The following INTS7 variants were observed in gnomAD, a reference collection of about 807,000 sequenced individuals.
INTS7 encodes integrator complex subunit 7.
INTS7 carries 46 observed loss-of-function variants against 109.2 expected under a neutral mutation model. The ratio of observed to expected loss-of-function variants is 0.42; its 90% CI spans 0.33 to 0.54. INTS7 has a LOEUF of 0.54. Among genes scored for constraint, INTS7 ranks in the 20% least tolerant of loss-of-function variants. INTS7 has a pLI of 0.07. For synonymous variants in INTS7, 412 were observed against 402.9 expected (o/e 1.02, Z -0.27); for missense variants, 929 against 1,132.4 (o/e 0.82, Z 2.58).
chr1:211,963,940 G>A (rs1405711295), intron 16 of INTS7, among the ~76,000 whole-genome samples: 5 of 152,146 alleles, frequency 3.3e-5, no homozygotes, highest in Non-Finnish European at 7.3e-5. Flanking sequence ...CATAACAAAA[G>A]GATGCTCTCT....
chr1:211,980,856 G>A (rs1369773061), intron 10 of INTS7, among the ~76,000 whole-genome samples: 2 of 152,188 alleles, frequency 1.3e-5, no homozygotes, highest in East Asian at 1.9e-4. Flanking sequence ...TATACCACTG[G>A]GAAATTAATG....
chr1:212,031,440 A>T (rs938239286), intron 1 of INTS7, among the ~76,000 whole-genome samples: 1 of 152,246 alleles, frequency 6.6e-6, no homozygotes, highest in Non-Finnish European at 1.5e-5. Flanking sequence ...AATGTATTTG[A>T]TTATGACACT....
Position 211,968,632 on chromosome 1 carries a change from A to C in INTS7, c.1891T>G (p.Phe631Val). 2.5e-6 allele frequency: 4 copies of C among 1,614,018 alleles called. No individual in the cohort carries two copies. The highest frequency in any genetic ancestry group is 2.2e-5 in the South Asian group (2 of 91,078). The change falls in exon 14 of 20, where the codon TTC becomes GTC. Residue 631 changes from phenylalanine to valine, a missense_variant. Transcript: ENST00000366994. ...VKLRIDLLQA[F>V]SQLICTCNSL... ...TTACAAGTACAGATAAGTTGAGAGA[A>C]GGCTTGTAAAAGGTCAATCCTGAGT...
intron 16 of INTS7, among the ~76,000 whole-genome samples, chr1:211,963,303 C>T (rs539671396): frequency 9.2e-5 from 14 of 151,948 alleles, no homozygotes; most frequent in Non-Finnish European, 2.1e-4. Flanking sequence ...AAACTGAATC[C>T]CTGATGAGAC....
Position 211,981,239 on chromosome 1 carries a change from A to C in INTS7, c.1133-49T>G, listed in dbSNP as rs372136910. The C allele has an allele frequency of 5.3e-6, 6 of 1,137,998 alleles. No homozygotes were observed. The African/African-American group carries it at 9.1e-5, about 17-fold the overall frequency. The allele number at this position is 1,137,998 out of a possible 1,614,324, so 70.5% of individuals were successfully genotyped here. A position where few individuals can be genotyped will look rare whatever the true frequency, so the allele number is the denominator to read the frequency against. ...ATGATGGTCAAGTGATGTGTGTACA[A>C]ACACACACACATATACATGCATACA... On this transcript the variant is annotated intron_variant, in intron 9 of 19. Transcript: ENST00000366994.
rs760901667 is a variant in INTS7 at position 211,967,946 on chromosome 1, A to C, written c.2046T>G (p.Ala682=). Reference sequence around the variant, plus strand: ...CCTGGTAAAGATCTCCATATCGAGAAGCAAGGCTTCGAAATTCTTCCATGG... The same window carrying C: ...CCTGGTAAAGATCTCCATATCGAGACGCAAGGCTTCGAAATTCTTCCATGG... ...KQSMEEFRSL[A]SRYGDLYQAS... The change falls in exon 15 of 20, where the codon GCT becomes GCG. Residue 682 remains alanine (A), a synonymous_variant. Transcript: ENST00000366994. The C allele has an allele frequency of 6.2e-7, 1 of 1,607,566 alleles. No individual in the cohort carries two copies. The highest frequency in any genetic ancestry group is 1.7e-5 in the Admixed American group (1 of 58,886).
At chr1:212,020,563 G>C (rs1666645209) in intron 2 of INTS7, among the ~76,000 whole-genome samples, 1 of 151,986 alleles carries the variant, frequency 6.6e-6, no homozygotes, top group African/African-American at 2.4e-5. Flanking sequence ...GAAATCAGAC[G>C]GTCTTTCTCT....
chr1:212,000,912 C>T (rs539027091), intron 7 of INTS7, among the ~76,000 whole-genome samples: 3 of 152,272 alleles, frequency 2.0e-5, no homozygotes, highest in East Asian at 1.9e-4. Flanking sequence ...CAGTCTCACC[C>T]ACTCAAGGCC....
At position 212,035,462 on chromosome 1, in the gene INTS7, C is replaced by T; in HGVS notation, c.-25G>A. The T allele has an allele frequency of 6.5e-7, 1 of 1,548,870 alleles. No individual in the cohort carries two copies. The highest frequency in any genetic ancestry group is 2.2e-5 in the East Asian group (1 of 44,510). ...TGACCCGAATAGTTACTCGACTAGCCTAGTCAGAAAGCTTGCAAACTCTAC... is the reference window on the plus strand; with the variant it reads ...TGACCCGAATAGTTACTCGACTAGCTTAGTCAGAAAGCTTGCAAACTCTAC... On this transcript the variant is annotated 5_prime_UTR_variant, in exon 1 of 20. Coordinates refer to ENST00000366994, the MANE Select transcript of INTS7 (RefSeq NM_015434.4).
chr1:212,030,944 A>AG (rs1667134619), intron 1 of INTS7: 1 of 152,234 alleles, frequency 6.6e-6, no homozygotes, highest in African/African-American at 2.4e-5. Context: ...ACACCGTCTA[A>AG]GGGGGAAATT....
In INTS7 at chr1:211,959,649, G is replaced by A. The variant is rs181559238; in HGVS notation, c.2183+6781C>T. The stretch of plus-strand genomic sequence containing the variant: ...GGTGCATTCTGCCCCCATTACCCCC[G>A]CATTACCGCCATTGCATTTGGAGCT... On this transcript the variant is annotated intron_variant, in intron 16 of 19. Coordinates refer to ENST00000366994, the MANE Select transcript of INTS7 (RefSeq NM_015434.4). The surrounding 1 kb of genome is among the most constrained non-coding windows in gnomAD (Gnocchi z 4.2). Among the ~76,000 whole-genome samples, 119 of 152,116 alleles carry A rather than the reference G, an allele frequency of 7.8e-4. No individual in the cohort carries two copies. The highest frequency in any genetic ancestry group is 2.6e-3 in the African/African-American group (106 of 41,480).
At chr1:211,952,531 C>G in intron 17 of INTS7, 38 bp downstream of exon 17, 1 of 1,599,436 alleles carries the variant, frequency 6.3e-7, no homozygotes, top group Non-Finnish European at 8.5e-7. Context: ...AAACCCACAT[C>G]CATACAATAA....
intron 13 of INTS7, among the ~76,000 whole-genome samples, chr1:211,974,276 A>ATATAT (rs1553249482): frequency 8.3e-4 from 77 of 92,390 alleles, no homozygotes; most frequent in East Asian, 2.0e-3. Flanking sequence ...AGAAAAAAAA[A>ATATAT]ATATATATAT....
chr1:212,011,456 T>G, intron 4 of INTS7, 35 bp from the exon 5 acceptor site: 1 of 1,320,812 alleles, frequency 7.6e-7, no homozygotes, highest in Non-Finnish European at 1.1e-6. Flanking sequence ...AGAAAAAACT[T>G]ACATTTGCTT....
intron 15 of INTS7, among the ~76,000 whole-genome samples, chr1:211,966,907 T>C (rs1457032460): frequency 2.6e-5 from 4 of 152,116 alleles, no homozygotes; most frequent in Admixed American, 2.6e-4. Context: ...CTAAGGAGCC[T>C]TTATCCCAGA....
intron 7 of INTS7, among the ~76,000 whole-genome samples, chr1:212,001,144 G>A (rs1283764480): frequency 7.1e-6 from 1 of 141,672 alleles, no homozygotes; most frequent in African/African-American, 2.6e-5. Flanking sequence ...TAGGCTCACC[G>A]CAACCTCTGC....
At chr1:212,030,293 G>T (rs1394210995) in intron 1 of INTS7, among the ~76,000 whole-genome samples, 25 of 143,032 alleles carry the variant, frequency 1.7e-4, no homozygotes, top group South Asian at 2.2e-4. Flanking sequence ...ATGATTTTTT[G>T]TTTTTTTTTT....
intron 7 of INTS7, among the ~76,000 whole-genome samples, chr1:212,004,287 A>C (rs1665806071): frequency 1.3e-5 from 2 of 152,202 alleles, no homozygotes; most frequent in South Asian, 4.1e-4. Context: ...GGTTGCAGTA[A>C]GCCAAGACTG....
rs1275586605 is a variant in INTS7, at chr1:211,940,418, A to G, written c.*1406T>C. ...GCAAAACACAAGCAAAGAAACAGAT[A>G]TTTATTTAAAAAGGAAATTCCAGGG... On this transcript the variant is annotated 3_prime_UTR_variant, in exon 20 of 20. Transcript: ENST00000366994. The G allele has an allele frequency of 1.3e-5, 2 of 152,198 alleles. No individual in the cohort carries two copies. The highest frequency in any genetic ancestry group is 1.5e-5 in the Non-Finnish European group (1 of 68,034). The allele number at this position is 152,198 out of a possible 1,614,324, so 9.4% of individuals were successfully genotyped here.
Sources: gnomAD v4.1 joint callset for allele counts (sites outside exome capture counted in the v4.1 genomes callset) on GRCh38, gnomAD v4.1.1 for gene constraint, Gnocchi (gnomAD v3.1) non-coding constraint, MANE v1.5 for transcripts, NCBI Gene and HGNC (gene_info 2026-07-23, HGNC 2026-07-21) for gene names.